The following ESR1 variants were observed in gnomAD, a reference collection of about 807,000 sequenced individuals.
ESR1 encodes estrogen receptor.
In ESR1, 12 loss-of-function variants were observed where a neutral mutation model predicts 52.7. The ratio of observed to expected loss-of-function variants is 0.23; its 90% confidence interval spans 0.15 to 0.37. ESR1 has a LOEUF of 0.37. ESR1 is among the 10% of genes least tolerant of loss of function. The pLI, the probability that ESR1 is intolerant of heterozygous loss-of-function variation, is 1.00. For missense variants in ESR1, 584 were observed against 779.7 expected (o/e 0.75, Z 2.99); for synonymous variants, 305 against 316.8 (o/e 0.96, Z 0.39).
intron 2 of ESR1, among the ~76,000 whole-genome samples, chr6:151,746,897 C>T (rs558007158): frequency 5.3e-5 from 8 of 152,276 alleles, no homozygotes; most frequent in East Asian, 3.9e-4. Context: ...CTGTAAAATA[C>T]GGTTAATAAT....
intron 4 of ESR1, among the ~76,000 whole-genome samples, chr6:151,959,919 A>T (rs2037456043): frequency 6.6e-6 from 1 of 152,212 alleles, no homozygotes. Context: ...ATTAAATAAT[A>T]TGTTTTACAC....
intron 5 of ESR1, among the ~76,000 whole-genome samples, chr6:152,020,600 G>A (rs915603384): frequency 2.0e-5 from 3 of 151,888 alleles, no homozygotes; most frequent in South Asian, 2.1e-4. Context: ...ACACGCATGC[G>A]CCATCATGCC....
chr6:152,104,029 T>C (rs72993670), downstream of ESR1, among the ~76,000 whole-genome samples: 12 of 129,718 alleles, frequency 9.3e-5, no homozygotes, highest in Non-Finnish European at 1.7e-4. Flanking sequence ...TTGAGTTCCC[T>C]GGGCCTCAGT....
In ESR1 at chr6:151,735,668, G is replaced by A. The variant is rs142666389; in HGVS notation, c.-71+33663G>A. On this transcript the variant is annotated intron_variant, in intron 2 of 2. Transcript: ENST00000404742. ...TGGGATTTTAGTTTACCCATCACTC[G>A]AGTAGTGTACTCTGTACCCAGGGTC... Among the ~76,000 whole-genome samples, 360 of 152,166 alleles carry A rather than the reference G, an allele frequency of 2.4e-3. 2 individuals carry two copies. Among genetic ancestry groups the A allele is most frequent in the African/African-American group, 8.2e-3 (339 of 41,510 alleles).
chr6:151,807,541 G>C (rs910604664), upstream of ESR1: 8 of 375,808 alleles, frequency 2.1e-5, no homozygotes, highest in South Asian at 8.3e-5. Context: ...CTTTGGGATC[G>C]CTCCAAATCG....
chr6:151,791,820 C>T (rs1583302857), intron 2 of ESR1, among the ~76,000 whole-genome samples: 1 of 152,074 alleles, frequency 6.6e-6, no homozygotes, highest in East Asian at 1.9e-4. Context: ...CTGTATGACC[C>T]CAAACAACAG....
At chr6:151,899,612 C>T (rs1268552876) in intron 3 of ESR1, among the ~76,000 whole-genome samples, 7 of 151,290 alleles carry the variant, frequency 4.6e-5, no homozygotes, top group African/African-American at 7.3e-5. Flanking sequence ...GGGTGGCTGC[C>T]GGGCGGAGAC....
At chr6:151,930,505 G>T (rs1343672887) in intron 3 of ESR1, among the ~76,000 whole-genome samples, 1 of 151,956 alleles carries the variant, frequency 6.6e-6, no homozygotes, top group East Asian at 1.9e-4. Context: ...CCTATACATT[G>T]CTGCTATTAT....
At chr6:151,822,676 G>T (rs938667723) in intron 1 of ESR1, among the ~76,000 whole-genome samples, 4 of 152,190 alleles carry the variant, frequency 2.6e-5, no homozygotes, top group African/African-American at 9.7e-5. Context: ...AAAGCTGCAC[G>T]CCTCATGACG....
chr6:151,918,585 A>G (rs961382153), intron 3 of ESR1, among the ~76,000 whole-genome samples: 3 of 152,206 alleles, frequency 2.0e-5, no homozygotes, highest in African/African-American at 4.8e-5. Flanking sequence ...TAGACATGCT[A>G]GTGGATGAGA....
chr6:151,980,987 C>T (rs747841987), intron 4 of ESR1, among the ~76,000 whole-genome samples: 2 of 152,212 alleles, frequency 1.3e-5, no homozygotes, highest in Non-Finnish European at 2.9e-5. Flanking sequence ...TAGGCATAAG[C>T]CACCACGCCC....
intron 5 of ESR1, among the ~76,000 whole-genome samples, chr6:152,028,446 T>G (rs1365608672): frequency 6.6e-6 from 1 of 152,162 alleles, no homozygotes; most frequent in Non-Finnish European, 1.5e-5. Flanking sequence ...ACTCCCACCC[T>G]AATACTGGGC....
At chr6:151,890,700 T>C (rs75450715) in intron 3 of ESR1, among the ~76,000 whole-genome samples, 4,410 of 152,300 alleles carry the variant, frequency 0.029, 209 homozygotes, top group African/African-American at 0.1. Context: ...ACCTGTTATA[T>C]CCTCTTAATG....
At chr6:151,850,527 T>G (rs988078791) in intron 2 of ESR1, among the ~76,000 whole-genome samples, 3 of 151,882 alleles carry the variant, frequency 2.0e-5, no homozygotes, top group African/African-American at 7.3e-5. Flanking sequence ...TGCTGGTGCC[T>G]AGGAAACTAA....
intron 4 of ESR1, among the ~76,000 whole-genome samples, chr6:151,961,860 T>G (rs1405958286): frequency 6.6e-6 from 1 of 152,118 alleles, no homozygotes; most frequent in African/African-American, 2.4e-5. Context: ...GGTGTTGGGT[T>G]GTGAGGTGTA....
chr6:152,124,753 C>T (rs1414536895), intron 6 of ESR1, among the ~76,000 whole-genome samples: 2 of 151,856 alleles, frequency 1.3e-5, no homozygotes, highest in Admixed American at 1.3e-4. Context: ...TGTCATATAC[C>T]TTATTAATGG....
intron 4 of ESR1, chr6:151,983,382 C>T: frequency 6.6e-6 from 1 of 152,198 alleles, no homozygotes; most frequent in Non-Finnish European, 1.5e-5. Flanking sequence ...GGTGTGGGTG[C>T]TGGTGAGACA....
At chr6:151,670,306 C>T (rs912779950) in intron 1 of ESR1, among the ~76,000 whole-genome samples, 1 of 152,206 alleles carries the variant, frequency 6.6e-6, no homozygotes, top group African/African-American at 2.4e-5. Context: ...TCCAAAGTAG[C>T]CATTCAACAT....
Position 152,066,949 on chromosome 6 carries a change from C to T in ESR1, c.1369+5825C>T, listed in dbSNP as rs1476195561. 3.3e-5 allele frequency among the ~76,000 whole-genome samples: 5 copies of T among 152,336 alleles called. No individual in the cohort carries two copies. The South Asian group carries it at 6.2e-4, about 19-fold the overall frequency. The stretch of plus-strand genomic sequence containing the variant: ...AAAGAATGACCAGTTAGTAAAGCAT[C>T]TTGCACCATGACTAGCACACAGTAG... On this transcript the variant is annotated intron_variant, in intron 6 of 7. Transcript: ENST00000206249.
Sources: allele counts gnomAD v4.1 joint callset (sites outside exome capture counted in the v4.1 genomes callset), GRCh38; gene constraint gnomAD v4.1.1; transcripts MANE v1.5; gene names NCBI Gene and HGNC (gene_info 2026-07-23, HGNC 2026-07-21).